The following NKAIN2 variants were observed in gnomAD, a reference collection of about 807,000 sequenced individuals.
The protein encoded by NKAIN2 is sodium/potassium transporting ATPase interacting 2, also known as sodium/potassium-transporting ATPase subunit beta-1-interacting protein 2.
In NKAIN2, 14 loss-of-function variants were observed where a neutral mutation model predicts 32.6. The observed-to-expected ratio is 0.43, with a 90% confidence interval of 0.28 to 0.67. NKAIN2 has a LOEUF of 0.67. Ranked by LOEUF, NKAIN2 falls within the 30% of genes least tolerant of loss-of-function variation. NKAIN2 has a pLI of 0.17. For synonymous variants in NKAIN2, 80 were observed against 87.2 expected, an observed-to-expected ratio of 0.92 and a Z score of 0.46; for missense variants, 198 against 258.3, an observed-to-expected ratio of 0.77 and a Z score of 1.60.
At chr6:124,573,499 GTCT>G (rs1316854494) in intron 3 of NKAIN2, among the ~76,000 whole-genome samples, 8 of 151,418 alleles carry the variant, frequency 5.3e-5, no homozygotes, top group African/African-American at 1.9e-4. Context: ...ATTTTAAGTG[GTCT>G]TCTTGGTGGT....
At chr6:124,635,290 A>G (rs1279643040) in intron 3 of NKAIN2, among the ~76,000 whole-genome samples, 2 of 152,070 alleles carry the variant, frequency 1.3e-5, no homozygotes, top group Non-Finnish European at 2.9e-5. Flanking sequence ...AAAACATACA[A>G]AAGTATATAA....
Position 124,177,679 on chromosome 6 carries a change from G to T in NKAIN2, c.55-105326G>T, listed in dbSNP as rs969740650. Among the ~76,000 whole-genome samples, 30 of 152,080 alleles carry T rather than the reference G, an allele frequency of 2.0e-4. 1 individual carries two copies. The highest frequency in any genetic ancestry group is 7.2e-4 in the African/African-American group (30 of 41,392). On this transcript the variant is annotated intron_variant, in intron 1 of 6. Transcript: ENST00000368417. ...AAATCCTAACCTCCAAGGAGCTGGG[G>T]CCATTTGGGAAGTGATTAGGTCATA...
chr6:124,757,476 C>G (rs1778019971), intron 4 of NKAIN2, among the ~76,000 whole-genome samples: 1 of 152,138 alleles, frequency 6.6e-6, no homozygotes, highest in Admixed American at 6.6e-5. Context: ...TTTTATTCAA[C>G]TAAACATGAT....
At chr6:123,810,664 C>T (rs1773422972) in intron 1 of NKAIN2, among the ~76,000 whole-genome samples, 2 of 149,742 alleles carry the variant, frequency 1.3e-5, no homozygotes. Flanking sequence ...TTTTTAAATC[C>T]AGCTCTTTTT....
In NKAIN2 at chr6:124,712,542, C is replaced by G. The variant is rs1358945883; in HGVS notation, c.474+54156C>G. ...GTGGTGTGCCGTTTTTTAAGCCCGT[C>G]GGAAAAGCGCAGTATTCGGGTGGGA... On this transcript the variant is annotated intron_variant, in intron 4 of 6. Transcript: ENST00000368417. Among the ~76,000 whole-genome samples the G allele has an allele frequency of 4.9e-4, 57 of 117,280 alleles. 9 individuals carry two copies. The highest frequency in any genetic ancestry group is 1.8e-3 in the African/African-American group (52 of 28,418). 76.9% of individuals were successfully genotyped at this position (117,280 alleles called of 152,430 possible). A position where few individuals can be genotyped will look rare whatever the true frequency, so the allele number is the denominator to read the frequency against.
intron 4 of NKAIN2, among the ~76,000 whole-genome samples, chr6:124,691,954 AT>A (rs1462696592): frequency 6.6e-6 from 1 of 152,198 alleles, no homozygotes; most frequent in Non-Finnish European, 1.5e-5. Context: ...GTACACTGTG[AT>A]TTCTTCATGA....
intron 1 of NKAIN2, among the ~76,000 whole-genome samples, chr6:124,137,029 A>G (rs1354071313): frequency 1.3e-5 from 2 of 152,148 alleles, no homozygotes; most frequent in African/African-American, 4.8e-5. Context: ...GACAAGAGAA[A>G]GAAACAAAGG....
chr6:123,987,321 T>A (rs2114679617), intron 1 of NKAIN2, among the ~76,000 whole-genome samples: 1 of 152,314 alleles, frequency 6.6e-6, no homozygotes. Flanking sequence ...TGTATTGTCT[T>A]GAAAAGGTGA....
At chr6:124,175,725 G>GT (rs1420107480) in intron 1 of NKAIN2, among the ~76,000 whole-genome samples, 1 of 151,932 alleles carries the variant, frequency 6.6e-6, no homozygotes, top group African/African-American at 2.4e-5. Flanking sequence ...AAAGTCTTTA[G>GT]TTTATCAATT....
chr6:124,665,398 T>C (rs1009449042), intron 4 of NKAIN2, among the ~76,000 whole-genome samples: 1 of 152,160 alleles, frequency 6.6e-6, no homozygotes, highest in Non-Finnish European at 1.5e-5. Flanking sequence ...ATTTAAATAA[T>C]GTTTAAAAAT....
At chr6:124,728,817 T>C (rs1162553266) in intron 4 of NKAIN2, among the ~76,000 whole-genome samples, 1 of 151,072 alleles carries the variant, frequency 6.6e-6, no homozygotes, top group Non-Finnish European at 1.5e-5. Context: ...CTAGCAAGAC[T>C]AATAAAGAAA....
intron 3 of NKAIN2, among the ~76,000 whole-genome samples, chr6:124,446,918 T>C (rs551711821): frequency 2.0e-5 from 3 of 152,206 alleles, no homozygotes; most frequent in Admixed American, 6.5e-5. Context: ...TGGGAGCATG[T>C]ATCTAGTGGG....
intron 1 of NKAIN2, among the ~76,000 whole-genome samples, chr6:124,247,147 C>T (rs1178860944): frequency 1.3e-5 from 2 of 151,880 alleles, no homozygotes; most frequent in Non-Finnish European, 2.9e-5. Flanking sequence ...TAGATTGTGC[C>T]CACCCAGAAT....
At chr6:124,754,082 A>C (rs1777850365) in intron 4 of NKAIN2, among the ~76,000 whole-genome samples, 1 of 152,090 alleles carries the variant, frequency 6.6e-6, no homozygotes, top group African/African-American at 2.4e-5. Context: ...CGCTTGTTGA[A>C]TCCCTTCTGC....
chr6:124,037,008 A>G (rs897806313), intron 1 of NKAIN2, among the ~76,000 whole-genome samples: 1 of 152,152 alleles, frequency 6.6e-6, no homozygotes, highest in Non-Finnish European at 1.5e-5. Context: ...AACACTAGTC[A>G]GGTTAGAACT....
At chr6:123,855,350 T>A (rs943712757) in intron 1 of NKAIN2, among the ~76,000 whole-genome samples, 3 of 152,156 alleles carry the variant, frequency 2.0e-5, no homozygotes, top group Non-Finnish European at 2.9e-5. Context: ...GGGTGGCACA[T>A]AAAAAAATAC....
intron 4 of NKAIN2, among the ~76,000 whole-genome samples, chr6:124,660,693 A>G (rs1032730012): frequency 2.0e-5 from 3 of 152,278 alleles, no homozygotes; most frequent in South Asian, 4.1e-4. Context: ...TACTTTTGCA[A>G]TGTTGACTGT....
At chr6:124,488,169 A>G (rs918825745) in intron 3 of NKAIN2, among the ~76,000 whole-genome samples, 1 of 152,066 alleles carries the variant, frequency 6.6e-6, no homozygotes, top group Middle Eastern at 3.2e-3. Flanking sequence ...ACAATACTGT[A>G]TTTAGAATAA....
At chr6:124,280,622 C>G (rs1206001610) in intron 1 of NKAIN2, among the ~76,000 whole-genome samples, 1 of 152,052 alleles carries the variant, frequency 6.6e-6, no homozygotes, top group Non-Finnish European at 1.5e-5. Context: ...GCATAAAGCC[C>G]CAGCATACAG....
Sources: gnomAD v4.1 joint callset for allele counts (sites outside exome capture counted in the v4.1 genomes callset) on GRCh38, gnomAD v4.1.1 for gene constraint, MANE v1.5 for transcripts, NCBI Gene and HGNC (gene_info 2026-07-23, HGNC 2026-07-21) for gene names.